The following NKAIN2 variants were observed in gnomAD, a reference collection of about 807,000 sequenced individuals.
NKAIN2 encodes sodium/potassium transporting ATPase interacting 2.
NKAIN2 carries 14 observed loss-of-function variants against 32.6 expected under a neutral mutation model. The observed-to-expected ratio is 0.43, with a 90% CI of 0.28 to 0.67. The LOEUF (loss-of-function observed/expected upper bound fraction) is 0.67, where lower values mean the gene tolerates loss of function less well. Among genes scored for constraint, NKAIN2 ranks in the 30% least tolerant of loss-of-function variants. The pLI is 0.17. For synonymous variants in NKAIN2, 80 were observed against 87.2 expected, an observed-to-expected ratio of 0.92 and a Z score of 0.46; for missense variants, 198 against 258.3, an observed-to-expected ratio of 0.77 and a Z score of 1.60.
At chr6:123,972,741 A>C (rs541247982) in intron 1 of NKAIN2, among the ~76,000 whole-genome samples, 34 of 152,266 alleles carry the variant, frequency 2.2e-4, no homozygotes, top group African/African-American at 8.2e-4. Context: ...AATATTGACC[A>C]TGCCATTTAG....
At chr6:124,203,266 A>G (rs1790680376) in intron 1 of NKAIN2, among the ~76,000 whole-genome samples, 2 of 151,888 alleles carry the variant, frequency 1.3e-5, no homozygotes, top group African/African-American at 4.8e-5. Flanking sequence ...TATCAGTGAT[A>G]TCCAATGGCT....
chr6:123,931,710 T>A (rs559310694), intron 1 of NKAIN2, among the ~76,000 whole-genome samples: 5 of 152,250 alleles, frequency 3.3e-5, no homozygotes, highest in African/African-American at 1.2e-4. Context: ...GAAAATAATC[T>A]AAAAAGTAAG....
At chr6:124,554,276 C>T (rs1419644188) in intron 3 of NKAIN2, among the ~76,000 whole-genome samples, 1 of 152,190 alleles carries the variant, frequency 6.6e-6, no homozygotes, top group African/African-American at 2.4e-5. Context: ...TCAGACATTT[C>T]GTAGAAGACT....
chr6:123,885,185 A>T (rs904741040), intron 1 of NKAIN2, among the ~76,000 whole-genome samples: 1 of 152,254 alleles, frequency 6.6e-6, no homozygotes, highest in East Asian at 1.9e-4. Flanking sequence ...TGTATTCTGG[A>T]TGCCTTTGTC....
chr6:124,716,558 AGTGG>A (rs1156281497), intron 4 of NKAIN2, among the ~76,000 whole-genome samples: 1 of 152,188 alleles, frequency 6.6e-6, no homozygotes, highest in Non-Finnish European at 1.5e-5. Flanking sequence ...AGAAGCCTAC[AGTGG>A]CTCCTAATAT....
chr6:124,045,152 T>C (rs1312196525), intron 1 of NKAIN2, among the ~76,000 whole-genome samples: 1 of 151,812 alleles, frequency 6.6e-6, no homozygotes, highest in Non-Finnish European at 1.5e-5. Context: ...GTCAAAACTA[T>C]CTGGCTAAAA....
intron 1 of NKAIN2, among the ~76,000 whole-genome samples, chr6:124,077,038 C>T (rs1783726966): frequency 6.6e-6 from 1 of 152,154 alleles, no homozygotes; most frequent in Non-Finnish European, 1.5e-5. Context: ...CTGCATAATG[C>T]ACTTTGTAAA....
At chr6:124,199,319 G>T (rs1036143156) in intron 1 of NKAIN2, among the ~76,000 whole-genome samples, 4 of 152,190 alleles carry the variant, frequency 2.6e-5, no homozygotes, top group African/African-American at 9.6e-5. Flanking sequence ...ATCTTTTAAA[G>T]AATCATGAAA....
intron 2 of NKAIN2, among the ~76,000 whole-genome samples, chr6:124,284,169 T>C (rs1401943174): frequency 4.6e-5 from 7 of 152,176 alleles, no homozygotes; most frequent in Admixed American, 4.6e-4. Flanking sequence ...CTGCAGAGGC[T>C]AGGTAGCCAT....
At chr6:124,518,519 G>A (rs1431997313) in intron 3 of NKAIN2, among the ~76,000 whole-genome samples, 3 of 152,130 alleles carry the variant, frequency 2.0e-5, no homozygotes, top group South Asian at 4.2e-4. Flanking sequence ...TGAAGCAGGA[G>A]GAATCAAAAG....
chr6:124,821,556 G>C (rs1180314556), intron 6 of NKAIN2, among the ~76,000 whole-genome samples: 1 of 151,990 alleles, frequency 6.6e-6, no homozygotes, highest in Non-Finnish European at 1.5e-5. Flanking sequence ...AGATATCTTT[G>C]TCCAGAATTA....
intron 4 of NKAIN2, among the ~76,000 whole-genome samples, chr6:124,702,754 C>G (rs537791552): frequency 1.3e-5 from 2 of 152,144 alleles, no homozygotes; most frequent in Admixed American, 1.3e-4. Context: ...GCACAAATGC[C>G]CTGACATCGG....
chr6:124,534,821 G>A (rs1779656583), intron 3 of NKAIN2, among the ~76,000 whole-genome samples: 1 of 152,082 alleles, frequency 6.6e-6, no homozygotes, highest in African/African-American at 2.4e-5. Flanking sequence ...CATAAGGTCT[G>A]TTTTTAAATT....
chr6:123,953,190 T>A (rs946437692), intron 1 of NKAIN2, among the ~76,000 whole-genome samples: 1 of 152,110 alleles, frequency 6.6e-6, no homozygotes, highest in African/African-American at 2.4e-5. Context: ...AAGGTGTGGT[T>A]GTTAGTGGAG....
chr6:123,884,847 G>A (rs573019605), intron 1 of NKAIN2, among the ~76,000 whole-genome samples: 2 of 151,968 alleles, frequency 1.3e-5, no homozygotes, highest in Admixed American at 6.6e-5. Flanking sequence ...GAGCAACAAC[G>A]TCTTGATTAT....
intron 4 of NKAIN2, among the ~76,000 whole-genome samples, chr6:124,707,889 T>C (rs1775187206): frequency 6.6e-6 from 1 of 152,194 alleles, no homozygotes; most frequent in Non-Finnish European, 1.5e-5. Flanking sequence ...CTATTGCTTT[T>C]GGTGTTTTGG....
chr6:124,103,816 G>A (rs530566805), intron 1 of NKAIN2, among the ~76,000 whole-genome samples: 1 of 152,102 alleles, frequency 6.6e-6, no homozygotes, highest in East Asian at 1.9e-4. Flanking sequence ...GGCCGGGTGC[G>A]GTGGCTCATG....
At chr6:124,789,460 G>A (rs765741523) in intron 4 of NKAIN2, among the ~76,000 whole-genome samples, 29 of 152,004 alleles carry the variant, frequency 1.9e-4, no homozygotes, top group African/African-American at 6.0e-4. Flanking sequence ...CCCATAGGCC[G>A]TTTACCTAGA....
At chr6:124,471,801 C>A (rs9388337) in intron 3 of NKAIN2, among the ~76,000 whole-genome samples, 1 of 151,936 alleles carries the variant, frequency 6.6e-6, no homozygotes, top group African/African-American at 2.4e-5. Context: ...TTTGTTTTTA[C>A]GTATTATTTT....
Sources: allele counts gnomAD v4.1 joint callset (sites outside exome capture counted in the v4.1 genomes callset), GRCh38; gene constraint gnomAD v4.1.1; transcripts MANE v1.5; gene names NCBI Gene and HGNC (gene_info 2026-07-23, HGNC 2026-07-21).